The following TGM2 variants were observed in gnomAD, a reference collection of about 807,000 sequenced individuals.
TGM2 encodes protein-glutamine gamma-glutamyltransferase 2.
A neutral mutation model predicts 75.6 loss-of-function variants in TGM2; 53 were observed. The ratio of observed to expected loss-of-function variants is 0.70; its 90% CI spans 0.56 to 0.88. The LOEUF (loss-of-function observed/expected upper bound fraction) is 0.88, where lower values mean the gene tolerates loss of function less well. Ranked by LOEUF, TGM2 falls within the 40% of genes least tolerant of loss-of-function variation. The pLI is 0.00. For missense variants in TGM2, 842 were observed against 928.5 expected, an observed-to-expected ratio of 0.91 and a Z score of 1.21; for synonymous variants, 374 against 381.1, an observed-to-expected ratio of 0.98 and a Z score of 0.22.
rs1294024372 is a variant in TGM2, at chr20:38,146,806, C to A, written c.770G>T (p.Ser257Ile). 6.2e-7 allele frequency: 1 copy of A among 1,613,914 alleles called. No homozygotes were observed. Among genetic ancestry groups the A allele is most frequent in the Non-Finnish European group, 8.5e-7 (1 of 1,179,968 alleles). ...CTTCCAGCGCCGCAGGATGTCCACG[C>A]TGCCGATCCAGGACATGGGGCTGAC... The part of the protein sequence containing the change: ...DGVSPMSWIG[S>I]VDILRRWKNH... The change falls in exon 6 of 13, where the codon AGC becomes ATC. Residue 257 changes from serine to isoleucine, a missense_variant. Ser to Ile is a moderately radical substitution (Grantham distance 142). Transcript: ENST00000361475.
intron 4 of TGM2, among the ~76,000 whole-genome samples, chr20:38,149,686 A>AAAAAAAAAAAAAAAAC: frequency 6.7e-6 from 1 of 150,216 alleles, no homozygotes. Context: ...CTCAAAAAAA[A>AAAAAAAAAAAAAAAAC]AAAAAAAAAA....
intron 2 of TGM2, among the ~76,000 whole-genome samples, chr20:38,156,933 GCCGGGTTCT>G (rs2075195640): frequency 6.6e-6 from 1 of 152,180 alleles, no homozygotes; most frequent in Non-Finnish European, 1.5e-5. Context: ...ACACTCCCCA[GCCGGGTTCT>G]CAAAGGCACA....
chr20:38,162,928 A>T (rs150174553), intron 1 of TGM2, among the ~76,000 whole-genome samples: 1 of 152,238 alleles, frequency 6.6e-6, no homozygotes, highest in Middle Eastern at 3.4e-3. Flanking sequence ...TGCTTTGGAG[A>T]CTTCCAGAGG....
In TGM2 at chr20:38,151,164, G is replaced by A. The variant is rs1334883851; in HGVS notation, c.434-107C>T. 5.0e-6 allele frequency: 4 copies of A among 798,046 alleles called. No individual in the cohort carries two copies. The East Asian group carries it at 9.8e-5, about 20-fold the overall frequency. The allele number at this position is 798,046 out of a possible 1,614,324, so 49.4% of individuals were successfully genotyped here. A position where few individuals can be genotyped will look rare whatever the true frequency, so the allele number is the denominator to read the frequency against. The stretch of plus-strand genomic sequence containing the variant: ...TTCCCTAGGCCAAGCCAGCGTCTCA[G>A]GGATCCATCCTTCTTTTAATTAGAA... On this transcript the variant is annotated intron_variant, in intron 3 of 12. Transcript: ENST00000361475.
intron 3 of TGM2, among the ~76,000 whole-genome samples, chr20:38,154,935 G>A (rs888569205): frequency 2.0e-5 from 3 of 152,268 alleles, no homozygotes; most frequent in Non-Finnish European, 2.9e-5. Flanking sequence ...GTGAAACTCC[G>A]TTTCTACTAA....
At chr20:38,132,276 G>T in intron 11 of TGM2, 64 bp downstream of exon 11, 3 of 1,590,100 alleles carry the variant, frequency 1.9e-6, no homozygotes, top group Non-Finnish European at 2.6e-6. Context: ...TGGGGGTAGG[G>T]ATCTGCCCTC....
At chr20:38,146,608 G>C (rs1235269037) in intron 6 of TGM2, 109 bp downstream of exon 6, 1 of 1,313,472 alleles carries the variant, frequency 7.6e-7, no homozygotes, top group Non-Finnish European at 1.1e-6. Context: ...CGCATTGAGA[G>C]TGTTGGTGGC....
At chr20:38,157,536 C>T (rs763285612) in intron 2 of TGM2, among the ~76,000 whole-genome samples, 6 of 152,204 alleles carry the variant, frequency 3.9e-5, no homozygotes, top group Non-Finnish European at 8.8e-5. Context: ...TGGGAGAGTC[C>T]AATCTCAGGT....
At chr20:38,130,517 C>T (rs1397626712) in intron 12 of TGM2, 148 bp from the exon 13 acceptor site, 8 of 843,958 alleles carry the variant, frequency 9.5e-6, no homozygotes, top group African/African-American at 5.2e-5. Flanking sequence ...GGGGCCTGGA[C>T]AATCTGCCCT....
intron 4 of TGM2, among the ~76,000 whole-genome samples, chr20:38,150,478 A>G (rs2075102937): frequency 6.6e-6 from 1 of 152,204 alleles, no homozygotes. Flanking sequence ...TCACCTGGGA[A>G]CTTGTTTGAA....
chr20:38,164,167 A>C (rs952122470), intron 1 of TGM2, among the ~76,000 whole-genome samples: 1 of 152,174 alleles, frequency 6.6e-6, no homozygotes, highest in African/African-American at 2.4e-5. Flanking sequence ...GAGGCGACAC[A>C]TCACAGTGTG....
intron 4 of TGM2, among the ~76,000 whole-genome samples, chr20:38,149,183 T>C (rs1403380815): frequency 6.6e-6 from 1 of 152,166 alleles, no homozygotes; most frequent in African/African-American, 2.4e-5. Context: ...TAGTATGTCG[T>C]GCACACACCT....
At chr20:38,162,576 T>C (rs1423485114) in intron 1 of TGM2, among the ~76,000 whole-genome samples, 1 of 152,262 alleles carries the variant, frequency 6.6e-6, no homozygotes. Context: ...CCCGTTGTGA[T>C]GTATTGATCT....
chr20:38,161,337 C>T lies in TGM2; in HGVS notation c.190+83G>A, dbSNP rs1332785828. ...AAGGTAAAGTTATTTGTCCTGTTCT[C>T]TGTCAGGGTTCTGGGGCATGTCGGG... is the stretch of plus-strand genomic sequence containing the variant. On this transcript the variant is annotated intron_variant, in intron 2 of 12. Transcript: ENST00000361475. The T allele has an allele frequency of 1.3e-5, 20 of 1,536,988 alleles. No individual in the cohort carries two copies. In the Admixed American group the frequency reaches 1.5e-4, roughly 11 times the overall value.
chr20:38,151,589 G>A (rs1320777552), intron 3 of TGM2, among the ~76,000 whole-genome samples: 1 of 152,160 alleles, frequency 6.6e-6, no homozygotes, highest in African/African-American at 2.4e-5. Flanking sequence ...AAGCCCTGAG[G>A]TAGCGTGAGG....
intron 3 of TGM2, among the ~76,000 whole-genome samples, chr20:38,151,839 C>T (rs1044823497): frequency 1.3e-5 from 2 of 152,178 alleles, no homozygotes; most frequent in African/African-American, 4.8e-5. Flanking sequence ...CTGGAAAATG[C>T]AGGGCATTTA....
chr20:38,129,145 T>C lies in TGM2; in HGVS notation c.*1074A>G, dbSNP rs1291092987. The C allele has an allele frequency of 3.3e-5, 5 of 152,488 alleles. No individual in the cohort carries two copies. Among genetic ancestry groups the C allele is most frequent in the African/African-American group, 1.2e-4 (5 of 41,580 alleles). The allele number at this position is 152,488 out of a possible 1,614,324, so 9.4% of individuals were successfully genotyped here. On this transcript the variant is annotated 3_prime_UTR_variant, in exon 13 of 13. Transcript: ENST00000361475. ...GCAGGGAGTGGACCTTGTGGTTATT[T>C]ACAAGGCTGGGCCATATAAAAGCAT...
chr20:38,139,609 C>T lies in TGM2; in HGVS notation c.1145G>A (p.Gly382Asp), dbSNP rs371454120. Residue 382 changes from glycine (G) to aspartate (D), a missense_variant, in exon 9 of 13, where the codon GGC (glycine) becomes GAC (aspartate). By Grantham distance (94) the Gly-to-Asp change is moderately conservative (BLOSUM62 -1). Coordinates refer to ENST00000361475, the MANE Select transcript of TGM2 (RefSeq NM_004613.4). Reference protein sequence around the residue: ...GPVPVRAIKEGDLSTKYDAPF... With the variant: ...GPVPVRAIKEDDLSTKYDAPF... ...CGCATCGTACTTGGTGCTCAGGTCG[C>T]CCTCCTTGATGGCACGAACTGGAAC... 2 of 1,614,054 alleles carry T rather than the reference C, an allele frequency of 1.2e-6. No homozygotes were observed. The highest frequency in any genetic ancestry group is 1.7e-6 in the Non-Finnish European group (2 of 1,180,040).
rs2074803035 is a variant in TGM2 at position 38,129,701 on chromosome 20, G to A, written c.*518C>T. On this transcript the variant is annotated 3_prime_UTR_variant, in exon 13 of 13. Coordinates refer to ENST00000361475, the MANE Select transcript of TGM2 (RefSeq NM_004613.4). ...GCTATTAAGCTTGGGCTGCTGGGAT[G>A]TGGAGGGGACCTTGGGCCTATCACT... 1.3e-5 allele frequency: 2 copies of A among 158,972 alleles called. No homozygotes were observed. Among genetic ancestry groups the A allele is most frequent in the South Asian group, 1.8e-4 (1 of 5,498 alleles). The allele number at this position is 158,972 out of a possible 1,614,324, so 9.8% of individuals were successfully genotyped here.
Sources: allele counts gnomAD v4.1 joint callset (sites outside exome capture counted in the v4.1 genomes callset), GRCh38; gene constraint gnomAD v4.1.1; transcripts MANE v1.5; gene names NCBI Gene and HGNC (gene_info 2026-07-23, HGNC 2026-07-21).